Variants in TENT4A observed in about 807,000 individuals in gnomAD.
The protein encoded by TENT4A is terminal nucleotidyltransferase 4A.
In TENT4A, 7 loss-of-function variants were observed where a neutral mutation model predicts 72.8. The ratio of observed to expected loss-of-function variants is 0.10; its 90% CI spans 0.05 to 0.18. The LOEUF (loss-of-function observed/expected upper bound fraction) is 0.18, where lower values mean the gene tolerates loss of function less well. Ranked by LOEUF, TENT4A falls within the 10% of genes least tolerant of loss-of-function variation. The pLI is 1.00. For synonymous variants in TENT4A, 456 were observed against 434.3 expected (o/e 1.05, Z -0.62); for missense variants, 831 against 1,017.7 (o/e 0.82, Z 2.50).
At chr5:6,719,366 A>G (rs2126595832) in intron 1 of TENT4A, among the ~76,000 whole-genome samples, 1 of 152,328 alleles carries the variant, frequency 6.6e-6, no homozygotes, top group East Asian at 1.9e-4. Flanking sequence ...AGGTTAAGAA[A>G]AAAAAACAGC....
chr5:6,723,031 GC>G (rs1163836205), intron 1 of TENT4A, among the ~76,000 whole-genome samples: 47 of 146,986 alleles, frequency 3.2e-4, no homozygotes, highest in African/African-American at 1.0e-3. Context: ...GCTCTGAACT[GC>G]AGTAACTTTA....
Position 6,751,103 on chromosome 5 carries a change from C to T in TENT4A, c.1925C>T (p.Pro642Leu). ...VYQFSLQAPA[P>L]LMAGLPTALP... ...CAGTTCAGTCTGCAAGCGCCAGCTCCTCTCATGGCCGGCTTACCCACCGCC... is the reference window on the plus strand; with the variant it reads ...CAGTTCAGTCTGCAAGCGCCAGCTCTTCTCATGGCCGGCTTACCCACCGCC... Residue 642 changes from proline to leucine, a missense_variant, in exon 11 of 13, where the codon CCT becomes CTT. Physicochemically the swap from Pro to Leu is moderately conservative, Grantham distance 98. Around this residue, in one of 3 missense-constraint regions of TENT4A, gnomAD observed 332 missense variants for 324.3 expected, o/e 1.02. Coordinates refer to ENST00000230859, the MANE Select transcript of TENT4A (RefSeq NM_006999.6). The T allele has an allele frequency of 6.2e-7, 1 of 1,614,158 alleles. No individual in the cohort carries two copies. The highest frequency in any genetic ancestry group is 8.5e-7 in the Non-Finnish European group (1 of 1,180,012).
intron 12 of TENT4A, among the ~76,000 whole-genome samples, chr5:6,754,358 G>A (rs1482936617): frequency 6.6e-6 from 1 of 152,078 alleles, no homozygotes; most frequent in African/African-American, 2.4e-5. Context: ...TAGTAGAGAC[G>A]GGGTTTCACC....
Position 6,737,572 on chromosome 5 carries a change from T to C in TENT4A, c.779T>C (p.Met260Thr). 6.2e-7 allele frequency: 1 copy of C among 1,614,122 alleles called. No homozygotes were observed. The highest frequency in any genetic ancestry group is 8.5e-7 in the Non-Finnish European group (1 of 1,179,960). ...TCCCCTTGTCCTGAAGAAGCAGCTA[T>C]GAGAAGAGAGGTGGTGAAACGGATC... is the stretch of plus-strand genomic sequence containing the variant. ...FMSPCPEEAA[M>T]RREVVKRIET... is the part of the protein sequence containing the mutation. Residue 260 changes from methionine (M) to threonine (T), a missense_variant, in exon 2 of 13, where the codon ATG (methionine) becomes ACG (threonine). Physicochemically the swap from Met to Thr is moderately conservative, Grantham distance 81 (BLOSUM62 -1). Transcript: ENST00000230859.
At chr5:6,717,695 T>C (rs1233522518) in intron 1 of TENT4A, among the ~76,000 whole-genome samples, 1 of 152,250 alleles carries the variant, frequency 6.6e-6, no homozygotes, top group Non-Finnish European at 1.5e-5. Flanking sequence ...GCGTGAGCTG[T>C]GCTATCTACC....
intron 1 of TENT4A, among the ~76,000 whole-genome samples, chr5:6,717,172 G>T (rs1740429728): frequency 6.6e-6 from 1 of 152,208 alleles, no homozygotes; most frequent in South Asian, 2.1e-4. Flanking sequence ...CTTGCTTCTG[G>T]CCATCAGCTT....
chr5:6,755,123 GT>G lies in TENT4A; in HGVS notation c.*180del, dbSNP rs1223009499. ...TCGCGTCCATCTTCAAGAACAGCTCGTTGTGCTCATCTGTGAAGCCTTATTA... is the reference window on the plus strand; with the variant it reads ...TCGCGTCCATCTTCAAGAACAGCTCGTGTGCTCATCTGTGAAGCCTTATTA... On this transcript the variant is annotated 3_prime_UTR_variant, in exon 13 of 13. Transcript: ENST00000230859. 2.0e-6 allele frequency: 1 copy of G among 503,832 alleles called. No homozygotes were observed. Among genetic ancestry groups the G allele is most frequent in the East Asian group, 3.1e-5 (1 of 31,888 alleles). The allele number at this position is 503,832 out of a possible 1,614,324, so 31.2% of individuals were successfully genotyped here.
chr5:6,742,235 G>A (rs751798815), intron 4 of TENT4A, among the ~76,000 whole-genome samples: 94 of 152,096 alleles, frequency 6.2e-4, no homozygotes, highest in Admixed American at 7.9e-4. Flanking sequence ...CTCCCCTCAC[G>A]TCTCTTTGAT....
intron 1 of TENT4A, among the ~76,000 whole-genome samples, chr5:6,727,884 G>A (rs1232132703): frequency 1.3e-5 from 2 of 152,158 alleles, no homozygotes; most frequent in Admixed American, 6.5e-5. Flanking sequence ...AGAGGCTCAC[G>A]GTAAATAGCT....
Position 6,746,336 on chromosome 5 carries a change from A to G in TENT4A, c.1368A>G (p.Gly456=). 2 of 1,614,214 alleles carry G rather than the reference A, an allele frequency of 1.2e-6. No homozygotes were observed. Among genetic ancestry groups the G allele is most frequent in the Non-Finnish European group, 1.7e-6 (2 of 1,180,044 alleles). Residue 456 remains glycine, a synonymous_variant, in exon 7 of 13, where the codon GGA becomes GGG. Transcript: ENST00000230859. ...AAACCGGTATTAGAATCAAAGAAGG[A>G]GGTGCCTATATCGCCAAAGAGGAGA... ...YLKTGIRIKE[G]GAYIAKEEIM...
intron 1 of TENT4A, among the ~76,000 whole-genome samples, chr5:6,716,740 G>A (rs1246190530): frequency 2.6e-5 from 4 of 152,204 alleles, no homozygotes; most frequent in African/African-American, 4.8e-5. Flanking sequence ...TTGCCAACCC[G>A]TTAGAACCTA....
At position 6,750,724 on chromosome 5, in the gene TENT4A, G is replaced by A. The variant is rs367748636; in HGVS notation, c.1860+221G>A. On this transcript the variant is annotated intron_variant, in intron 10 of 12. Coordinates refer to ENST00000230859, the MANE Select transcript of TENT4A (RefSeq NM_006999.6). ...TGTCTGTGCGACTCATGCGGCTGTC[G>A]AGGGCAGTAATCCTCTAAATGGTTG... 15 of 549,684 alleles carry A rather than the reference G, an allele frequency of 2.7e-5. No individual in the cohort carries two copies. The East Asian group carries it at 3.6e-4, about 13-fold the overall frequency. The allele number at this position is 549,684 out of a possible 1,614,324, so 34.1% of individuals were successfully genotyped here.
At chr5:6,753,384 T>C (rs1742518213) in intron 12 of TENT4A, among the ~76,000 whole-genome samples, 1 of 152,240 alleles carries the variant, frequency 6.6e-6, no homozygotes, top group Non-Finnish European at 1.5e-5. Context: ...AAGCAAATGA[T>C]AAAACCAAGA....
chr5:6,743,582 T>A (rs1296841254), intron 5 of TENT4A, 130 bp from the exon 6 acceptor site: 1 of 700,330 alleles, frequency 1.4e-6, no homozygotes, highest in East Asian at 2.7e-5. Context: ...TGAGACTTAA[T>A]GACTGAGAGC....
At chr5:6,749,351 G>A (rs1043976766) in intron 8 of TENT4A, among the ~76,000 whole-genome samples, 1 of 152,238 alleles carries the variant, frequency 6.6e-6, no homozygotes, top group African/African-American at 2.4e-5. Context: ...GTGGTCTTCT[G>A]TAGGTAGATG....
rs148829785 is a variant in TENT4A at position 6,738,685 on chromosome 5, A to G, written c.843A>G (p.Val281=). 4.6e-5 allele frequency: 74 copies of G among 1,612,066 alleles called. No homozygotes were observed. The African/African-American group carries it at 9.1e-4, about 20-fold the overall frequency. The stretch of plus-strand genomic sequence containing the variant: ...AAGGCAACCACTCTTTCTTTCAGGT[A>G]CAGATATTTGGCAGCTTTAGTACAG... The part of the protein sequence containing the change: ...VVKDLWPTAD[V]QIFGSFSTGL... The change falls in exon 3 of 13, where the codon GTA becomes GTG. Residue 281 remains valine (V), a splice_region_variant and synonymous_variant. Coordinates refer to ENST00000230859, the MANE Select transcript of TENT4A (RefSeq NM_006999.6).
intron 1 of TENT4A, among the ~76,000 whole-genome samples, chr5:6,731,619 A>G (rs1426309915): frequency 6.6e-6 from 1 of 150,760 alleles, no homozygotes; most frequent in Non-Finnish European, 1.5e-5. Flanking sequence ...CACTCACTGT[A>G]GCTTCGAATC....
At chr5:6,754,232 G>A (rs976798502) in intron 12 of TENT4A, among the ~76,000 whole-genome samples, 1 of 152,182 alleles carries the variant, frequency 6.6e-6, no homozygotes, top group Non-Finnish European at 1.5e-5. Flanking sequence ...GCAGTGGTGT[G>A]ATCTCAGCTC....
At chr5:6,728,227 A>G (rs274704) in intron 1 of TENT4A, among the ~76,000 whole-genome samples, 89,871 of 152,122 alleles carry the variant, frequency 0.59, 27,312 homozygotes, top group Middle Eastern at 0.67. Flanking sequence ...TCAGTGAAGC[A>G]TGTCATACAG....
Sources: allele counts gnomAD v4.1 joint callset (sites outside exome capture counted in the v4.1 genomes callset), GRCh38; gene constraint gnomAD v4.1.1; regional missense constraint gnomAD v4.1.1; transcripts MANE v1.5; gene names NCBI Gene and HGNC (gene_info 2026-07-23, HGNC 2026-07-21).